The following KLHL13 variants were observed in gnomAD, a reference collection of about 807,000 sequenced individuals.
KLHL13 encodes kelch like family member 13.
A neutral mutation model predicts 37.1 loss-of-function variants in KLHL13; 10 were observed. The observed-to-expected ratio is 0.27, with a 90% CI of 0.17 to 0.46. The LOEUF (loss-of-function observed/expected upper bound fraction) is 0.46, where lower values mean the gene tolerates loss of function less well. Ranked by LOEUF, KLHL13 falls within the 20% of genes least tolerant of loss-of-function variation. The pLI is 1.00. For missense variants in KLHL13, 360 were observed against 509.3 expected (o/e 0.71, Z 2.82); for synonymous variants, 163 against 181.2 (o/e 0.90, Z 0.81).
chrX:117,981,658 G>A (rs2053663142), intron 1 of KLHL13, among the ~76,000 whole-genome samples: 1 of 111,353 alleles, frequency 9.0e-6, no homozygotes, highest in African/African-American at 3.3e-5. Context: ...TTCCACTACA[G>A]GGTCTAGGCA....
intron 1 of KLHL13, among the ~76,000 whole-genome samples, chrX:117,980,032 T>C (rs12832225): frequency 0.016 from 1,837 of 112,298 alleles, 49 homozygotes; most frequent in African/African-American, 0.055. Flanking sequence ...ATGGCTCTAT[T>C]GAATGAAAAT....
At chrX:117,915,975 A>G (rs5956814) in intron 4 of KLHL13, among the ~76,000 whole-genome samples, 1,597 of 112,314 alleles carry the variant, frequency 0.014, 20 homozygotes, top group Non-Finnish European at 0.021. Context: ...CCTGACCAAC[A>G]TGGAGAAAGC....
At chrX:117,973,117 A>G in exon 1 of KLHL13, 1 of 982,406 alleles carries the variant, frequency 1.0e-6, no homozygotes. Flanking sequence ...TGCACTGTGC[A>G]TACCATACAA....
intron 1 of KLHL13, among the ~76,000 whole-genome samples, chrX:118,008,415 C>T (rs2054012554): frequency 8.9e-6 from 1 of 111,759 alleles, no homozygotes; most frequent in African/African-American, 3.3e-5. Context: ...GTGGCTATTA[C>T]AATGACTCTT....
intron 1 of KLHL13, among the ~76,000 whole-genome samples, chrX:118,098,063 A>G (rs1375065547): frequency 2.1e-4 from 23 of 111,750 alleles, no homozygotes; most frequent in African/African-American, 6.8e-4. Flanking sequence ...GGCAACAAAA[A>G]CCAAAATTGA....
chrX:118,042,344 T>A (rs2054514403), intron 1 of KLHL13, among the ~76,000 whole-genome samples: 1 of 111,763 alleles, frequency 8.9e-6, no homozygotes, highest in African/African-American at 3.2e-5. Flanking sequence ...ATCTGCACTA[T>A]AGAACAAATG....
intron 1 of KLHL13, among the ~76,000 whole-genome samples, chrX:118,074,533 A>G (rs1329321891): frequency 8.9e-6 from 1 of 111,865 alleles, no homozygotes. Context: ...AGCTGGCTGG[A>G]GCAAGATAGG....
At chrX:118,105,551 C>A (rs1218759270) in intron 1 of KLHL13, among the ~76,000 whole-genome samples, 2 of 112,584 alleles carry the variant, frequency 1.8e-5, no homozygotes, top group Non-Finnish European at 3.8e-5. Flanking sequence ...ATAATGAGTG[C>A]AATAATGATT....
intron 1 of KLHL13, among the ~76,000 whole-genome samples, chrX:117,994,380 A>C (rs150134588): frequency 5.4e-5 from 6 of 110,326 alleles, no homozygotes; most frequent in African/African-American, 2.0e-4. Context: ...TAGTCTTCTG[A>C]GTAGCTGAGA....
intron 6 of KLHL13, 96 bp downstream of exon 7, chrX:117,901,737 C>A (rs1319689826): frequency 7.3e-6 from 3 of 412,997 alleles, no homozygotes; most frequent in Non-Finnish European, 1.2e-5. Context: ...ACTCCTGACG[C>A]CTGAATTATT....
exon 7 of KLHL13, chrX:117,898,135 T>G (rs1206253263): frequency 8.9e-6 from 1 of 111,943 alleles, no homozygotes; most frequent in Non-Finnish European, 1.9e-5. Flanking sequence ...AAGCTGCTTT[T>G]TGGAAGAATT....
At chrX:118,092,537 C>T (rs1246863436) in intron 1 of KLHL13, among the ~76,000 whole-genome samples, 3 of 111,450 alleles carry the variant, frequency 2.7e-5, no homozygotes, top group African/African-American at 9.8e-5. Flanking sequence ...GCATACCTAC[C>T]CTATTAGTTA....
chrX:118,081,683 A>T (rs2054996169), intron 1 of KLHL13, among the ~76,000 whole-genome samples: 1 of 111,284 alleles, frequency 9.0e-6, no homozygotes, highest in African/African-American at 3.3e-5. Context: ...AAACACTAGA[A>T]CTTATTCCTC....
intron 1 of KLHL13, among the ~76,000 whole-genome samples, chrX:117,967,949 T>A (rs1233287191): frequency 1.8e-5 from 2 of 111,107 alleles, no homozygotes; most frequent in Non-Finnish European, 3.8e-5. Context: ...TTAAAAAAAA[T>A]AATATAATCT....
At chrX:118,099,338 A>AC (rs2055255958) in intron 1 of KLHL13, among the ~76,000 whole-genome samples, 1 of 111,778 alleles carries the variant, frequency 8.9e-6, no homozygotes, top group African/African-American at 3.2e-5. Flanking sequence ...TAAACTGAAA[A>AC]TTTCCTTCCA....
At chrX:118,053,330 G>A (rs1313167116) in intron 1 of KLHL13, among the ~76,000 whole-genome samples, 3 of 111,898 alleles carry the variant, frequency 2.7e-5, no homozygotes, top group Non-Finnish European at 5.6e-5. Flanking sequence ...ATGAGTTCAT[G>A]TCCTTTGTAG....
At chrX:118,085,828 T>C (rs867806116) in intron 1 of KLHL13, among the ~76,000 whole-genome samples, 1 of 107,416 alleles carries the variant, frequency 9.3e-6, no homozygotes, top group South Asian at 4.2e-4. Flanking sequence ...TGTGTGTGTG[T>C]GTGTGTGTGT....
At chrX:117,955,381 T>C (rs932305896) in intron 1 of KLHL13, among the ~76,000 whole-genome samples, 4 of 111,704 alleles carry the variant, frequency 3.6e-5, no homozygotes, top group African/African-American at 1.3e-4. Flanking sequence ...GTAGTAACCA[T>C]TGCATTCCAT....
chrX:118,043,598 A>G (rs1305561875), intron 1 of KLHL13, among the ~76,000 whole-genome samples: 1 of 112,204 alleles, frequency 8.9e-6, no homozygotes, highest in Non-Finnish European at 1.9e-5. Flanking sequence ...TAAATCAATC[A>G]ATGTGGTATA....
Sources: gnomAD v4.1 joint callset for allele counts (sites outside exome capture counted in the v4.1 genomes callset) on GRCh38, gnomAD v4.1.1 for gene constraint, MANE v1.5 for transcripts, NCBI Gene and HGNC (gene_info 2026-07-23, HGNC 2026-07-21) for gene names.